Variants in SOCS7 observed in about 807,000 individuals in gnomAD.
SOCS7 encodes the protein NAP-4.
A neutral mutation model predicts 58.9 loss-of-function variants in SOCS7; 18 were observed. The observed-to-expected ratio is 0.31, with a 90% CI of 0.21 to 0.45. The LOEUF is 0.45. SOCS7 is among the 20% of genes least tolerant of loss of function. The probability of loss-of-function intolerance (pLI) is 1.00; values close to 1 mark genes in which losing one functional copy is unlikely to be tolerated. For synonymous variants in SOCS7, 388 were observed against 364.3 expected (o/e 1.06, Z -0.74); for missense variants, 667 against 837.3 (o/e 0.80, Z 2.51).
intron 1 of SOCS7, among the ~76,000 whole-genome samples, chr17:38,357,289 G>A (rs140393822): frequency 1.6e-4 from 24 of 152,286 alleles, no homozygotes; most frequent in African/African-American, 4.8e-4. Flanking sequence ...ATTTTATGGT[G>A]TGGCGAGGAA....
intron 7 of SOCS7, among the ~76,000 whole-genome samples, 155 bp from the exon 8 acceptor site, chr17:38,395,154 A>G (rs1316339352): frequency 1.3e-5 from 2 of 152,298 alleles, no homozygotes; most frequent in East Asian, 3.9e-4. Flanking sequence ...CTGGAAATGG[A>G]AATCAACAGC....
chr17:38,390,687 CCTTCCTTCTCTT>C (rs1192969785), intron 7 of SOCS7, among the ~76,000 whole-genome samples: 3 of 133,974 alleles, frequency 2.2e-5, no homozygotes, highest in Non-Finnish European at 4.9e-5. Context: ...TTCCTTCCTT[CCTTCCTTCTCTT>C]TCTTTCTGTC....
intron 6 of SOCS7, among the ~76,000 whole-genome samples, chr17:38,370,868 C>T (rs1032748476): frequency 6.6e-6 from 1 of 151,570 alleles, no homozygotes; most frequent in Non-Finnish European, 1.5e-5. Flanking sequence ...CCAAGCTTGT[C>T]TCGAACTCCT....
chr17:38,392,196 G>T (rs1481682745), intron 7 of SOCS7, among the ~76,000 whole-genome samples: 1 of 152,162 alleles, frequency 6.6e-6, no homozygotes, highest in Non-Finnish European at 1.5e-5. Flanking sequence ...TAATACCAGG[G>T]AATATCAGAA....
intron 3 of SOCS7, 62 bp downstream of exon 3, chr17:38,364,918 T>C (rs2037768972): frequency 1.5e-6 from 2 of 1,329,352 alleles, no homozygotes; most frequent in South Asian, 2.4e-5. Context: ...AGGGACTTGT[T>C]CTTTGCTGGG....
chr17:38,352,330 C>T lies in SOCS7; in HGVS notation c.278C>T (p.Pro93Leu), dbSNP rs1207868892. ...PEPGPSELLCPRHRCALDPKA... is the reference protein window; with the variant it reads ...PEPGPSELLCLRHRCALDPKA... ...CCGGGACCCTCGGAACTGCTGTGTCCCCGGCACCGCTGTGCCCTGGACCCC... is the reference window on the plus strand; with the variant it reads ...CCGGGACCCTCGGAACTGCTGTGTCTCCGGCACCGCTGTGCCCTGGACCCC... Residue 93 changes from proline to leucine, a missense_variant, in exon 1 of 10, where the codon CCC becomes CTC. Transcript: ENST00000612932. This position sits in a 1 kb window ranked among gnomAD's most constrained non-coding sequence, Gnocchi z 5.5. 6.7e-7 allele frequency: 1 copy of T among 1,484,748 alleles called. No homozygotes were observed. The highest frequency in any genetic ancestry group is 1.3e-5 in the South Asian group (1 of 77,540). 92.0% of individuals were successfully genotyped at this position (1,484,748 alleles called of 1,614,324 possible).
rs943543902 is a variant in SOCS7, at chr17:38,402,679, G to C, written c.*3197G>C. On this transcript the variant is annotated 3_prime_UTR_variant, in exon 10 of 10. Transcript: ENST00000612932. ...CAGGAGGCGGAGGTTGCACTGAGCC[G>C]AGATTGCGCCACTGCCCTCTAGCCT... 2 of 152,220 alleles carry C rather than the reference G, an allele frequency of 1.3e-5. No individual in the cohort carries two copies. The highest frequency in any genetic ancestry group is 4.8e-5 in the African/African-American group (2 of 41,436). The allele number at this position is 152,220 out of a possible 1,614,324, so 9.4% of individuals were successfully genotyped here. A position where few individuals can be genotyped will look rare whatever the true frequency, so the allele number is the denominator to read the frequency against.
intron 6 of SOCS7, chr17:38,376,061 A>T (rs1246061421): frequency 6.6e-6 from 1 of 152,162 alleles, no homozygotes; most frequent in Non-Finnish European, 1.5e-5. Flanking sequence ...CTAAATAAAG[A>T]CCAAAACACT....
In SOCS7 at chr17:38,384,957, C is replaced by T. The variant is rs142213888; in HGVS notation, c.1681+7115C>T. On this transcript the variant is annotated intron_variant, in intron 7 of 9. Coordinates refer to ENST00000612932, the MANE Select transcript of SOCS7 (RefSeq NM_014598.4). ...TATTGTCCAGGCTAGAGTGCAGTGG[C>T]GCAATCTCAGCTCACTGCAACCTCC... is the stretch of plus-strand genomic sequence containing the variant. Among the ~76,000 whole-genome samples, 223 of 134,798 alleles carry T rather than the reference C, an allele frequency of 1.7e-3. 1 individual carries two copies. Among genetic ancestry groups the T allele is most frequent in the African/African-American group, 6.2e-3 (215 of 34,916 alleles). 88.4% of individuals were successfully genotyped at this position (134,798 alleles called of 152,430 possible).
chr17:38,384,891 C>CTT lies in SOCS7; in HGVS notation c.1681+7072_1681+7073dup, dbSNP rs71138614. Among the ~76,000 whole-genome samples, 666 of 76,530 alleles carry CTT rather than the reference C, an allele frequency of 8.7e-3. 12 individuals carry two copies. Among genetic ancestry groups the CTT allele is most frequent in the African/African-American group, 0.026 (429 of 16,810 alleles). 50.2% of individuals were successfully genotyped at this position (76,530 alleles called of 152,430 possible). A position where few individuals can be genotyped will look rare whatever the true frequency, so the allele number is the denominator to read the frequency against. ...CAGGCGTGAGCCACTGCACCCAGCT[C>CTT]TTTTTTTTTTTTTTTTTTTTTTTTG... On this transcript the variant is annotated intron_variant, in intron 7 of 9. Coordinates refer to ENST00000612932, the MANE Select transcript of SOCS7 (RefSeq NM_014598.4).
At chr17:38,389,900 C>CATATATATGTACATATATATATATGT (rs1263290062) in intron 7 of SOCS7, among the ~76,000 whole-genome samples, 1 of 20,198 alleles carries the variant, frequency 5.0e-5, no homozygotes, top group Non-Finnish European at 9.8e-5. Flanking sequence ...TATATATATA[C>CATATATATGTACATATATATATATGT]ACATATAGAG....
chr17:38,366,529 CT>C (rs771794347), intron 5 of SOCS7, 112 bp downstream of exon 5: 25 of 1,339,846 alleles, frequency 1.9e-5, no homozygotes, highest in Non-Finnish European at 2.5e-5. Flanking sequence ...GGGTCTGGCT[CT>C]GTTGCCCAGG....
chr17:38,375,733 T>C (rs954631831), intron 6 of SOCS7: 1 of 152,148 alleles, frequency 6.6e-6, no homozygotes, highest in African/African-American at 2.4e-5. Flanking sequence ...AGGGTCAGTT[T>C]ATGTATGTAA....
chr17:38,386,323 C>CAAAAAA (rs548448434), intron 7 of SOCS7, among the ~76,000 whole-genome samples: 5,300 of 51,614 alleles, frequency 0.1, 285 homozygotes, highest in East Asian at 0.21. Context: ...GGCTGTGTCT[C>CAAAAAA]AAAAAAAAAA....
intron 7 of SOCS7, among the ~76,000 whole-genome samples, chr17:38,389,619 G>T (rs1326186598): frequency 1.3e-5 from 2 of 149,978 alleles, no homozygotes; most frequent in Non-Finnish European, 1.5e-5. Context: ...CTCCCATTCT[G>T]TGGGTTGTCT....
rs3748723 is a variant in SOCS7, at chr17:38,402,356, G to A, written c.*2874G>A. 0.28 allele frequency: 41,907 copies of A among 152,266 alleles called. 8,314 individuals are homozygous for A. The highest frequency in any genetic ancestry group is 0.56 in the African/African-American group (23,405 of 41,436). 9.4% of individuals were successfully genotyped at this position (152,266 alleles called of 1,614,324 possible). A position where few individuals can be genotyped will look rare whatever the true frequency, so the allele number is the denominator to read the frequency against. ...GTCAGAGAGTAAATGGAGCAGAGGA[G>A]CAGGTGTGGCAGCACCTGCCCTTCA... On this transcript the variant is annotated 3_prime_UTR_variant, in exon 10 of 10. Coordinates refer to ENST00000612932, the MANE Select transcript of SOCS7 (RefSeq NM_014598.4).
chr17:38,360,995 A>G (rs966602645), intron 1 of SOCS7, among the ~76,000 whole-genome samples: 1 of 152,240 alleles, frequency 6.6e-6, no homozygotes, highest in Non-Finnish European at 1.5e-5. Context: ...TAAGAAGTGA[A>G]GTTATCTTTG....
At chr17:38,396,827 G>A (rs2038250843) in intron 9 of SOCS7, among the ~76,000 whole-genome samples, 1 of 152,228 alleles carries the variant, frequency 6.6e-6, no homozygotes, top group South Asian at 2.1e-4. Context: ...TTCTTCTGGT[G>A]TGGATCCTGG....
At chr17:38,362,361 G>C (rs960227540) in intron 2 of SOCS7, among the ~76,000 whole-genome samples, 1 of 152,210 alleles carries the variant, frequency 6.6e-6, no homozygotes, top group Non-Finnish European at 1.5e-5. Flanking sequence ...TCCTTTGGAT[G>C]ATGGGTAACT....
Sources: allele counts gnomAD v4.1 joint callset (sites outside exome capture counted in the v4.1 genomes callset), GRCh38; gene constraint gnomAD v4.1.1; non-coding constraint Gnocchi (gnomAD v3.1); transcripts MANE v1.5; gene names NCBI Gene and HGNC (gene_info 2026-07-23, HGNC 2026-07-21).